The following MSH4 variants were observed in gnomAD, a reference collection of about 807,000 sequenced individuals.
MSH4 encodes mutS homolog 4.
In MSH4, 106 loss-of-function variants were observed where a neutral mutation model predicts 113.7. The ratio of observed to expected loss-of-function variants is 0.93; its 90% CI spans 0.80 to 1.10. The LOEUF is 1.10. MSH4 is among the 50% of genes least tolerant of loss of function. The pLI is 0.00. For synonymous variants in MSH4, 368 were observed against 380.2 expected (o/e 0.97, Z 0.37); for missense variants, 1,061 against 1,093.7 (o/e 0.97, Z 0.42).
At position 75,800,743 on chromosome 1, in the gene MSH4, T is replaced by TA. The variant is rs58529518; in HGVS notation, c.245-2987dup. On this transcript the variant is annotated intron_variant, in intron 1 of 19. Transcript: ENST00000263187. ...TAAAGAATTAATTTTGAGGGAAAGA[T>TA]AGAGTTCACTTTTGGACATTTAGAA... Among the ~76,000 whole-genome samples the TA allele has an allele frequency of 7.0e-3, 1,064 of 152,252 alleles. 8 individuals carry two copies. Among genetic ancestry groups the TA allele is most frequent in the Non-Finnish European group, 0.012 (801 of 68,020 alleles).
At chr1:75,862,037 A>T (rs1030857233) in intron 8 of MSH4, among the ~76,000 whole-genome samples, 2 of 151,802 alleles carry the variant, frequency 1.3e-5, no homozygotes. Flanking sequence ...TCCCAGGTTG[A>T]TCTCAGACTG....
intron 6 of MSH4, among the ~76,000 whole-genome samples, chr1:75,821,237 C>G (rs1557495761): frequency 6.6e-6 from 1 of 151,982 alleles, no homozygotes. Flanking sequence ...AACTGGAACT[C>G]AGGATTAAGA....
intron 8 of MSH4, among the ~76,000 whole-genome samples, chr1:75,850,934 G>A (rs6683437): frequency 0.21 from 31,921 of 151,986 alleles, 3,530 homozygotes; most frequent in Middle Eastern, 0.28. Context: ...ATGAAATGAT[G>A]CTTTTTTATC....
chr1:75,885,318 G>GGGGT (rs1276998811), intron 15 of MSH4, among the ~76,000 whole-genome samples: 3 of 105,338 alleles, frequency 2.8e-5, no homozygotes, highest in African/African-American at 1.1e-4. Flanking sequence ...TCACACTGGG[G>GGGGT]GTGTGTGTGT....
chr1:75,818,326 C>T (rs1650333901), intron 6 of MSH4, among the ~76,000 whole-genome samples: 1 of 152,100 alleles, frequency 6.6e-6, no homozygotes, highest in Non-Finnish European at 1.5e-5. Context: ...CTATTCTTAC[C>T]CCCACTTGCA....
In MSH4 at chr1:75,912,931, G is replaced by T; in HGVS notation, c.*44G>T. On this transcript the variant is annotated 3_prime_UTR_variant, in exon 20 of 20. Transcript: ENST00000263187. ...AATATATCTTAATTCAAGGAACCTA[G>T]AATTTATTTTTCTCCTTAGAGATAA... The T allele has an allele frequency of 1.6e-6, 2 of 1,241,678 alleles. No homozygotes were observed. The highest frequency in any genetic ancestry group is 2.1e-6 in the Non-Finnish European group (2 of 940,022). 76.9% of individuals were successfully genotyped at this position (1,241,678 alleles called of 1,614,324 possible).
chr1:75,797,145 C>T lies in MSH4; in HGVS notation c.160C>T (p.Pro54Ser), dbSNP rs1322924431. 1.2e-6 allele frequency: 2 copies of T among 1,613,552 alleles called. No homozygotes were observed. Among genetic ancestry groups the T allele is most frequent in the African/African-American group, 2.7e-5 (2 of 75,056 alleles). Residue 54 changes from proline to serine, a missense_variant, in exon 1 of 20, where the codon CCT becomes TCT. By Grantham distance (74) the Pro-to-Ser change is moderately conservative. Coordinates refer to ENST00000263187, the MANE Select transcript of MSH4 (RefSeq NM_002440.4). ...CCAGGTGGTCTCTGCATCCACCTGT[C>T]CTGGCACGTCAGGAGCTGCGGGCGA... is the stretch of plus-strand genomic sequence containing the variant. ...SVQVVSASTC[P>S]GTSGAAGDRS...
In MSH4 at chr1:75,841,544, A is replaced by T. The variant is rs144410303; in HGVS notation, c.1163-6665A>T. 2.9e-3 allele frequency among the ~76,000 whole-genome samples: 440 copies of T among 152,302 alleles called. 1 individual carries two copies. Among genetic ancestry groups the T allele is most frequent in the African/African-American group, 0.01 (425 of 41,568 alleles). On this transcript the variant is annotated intron_variant, in intron 7 of 19. Transcript: ENST00000263187. ...AGCTTGCTGTATTTAAGGATTGGCCAGTAGTTATTTATGACTTAAAGCCTT... is the reference window on the plus strand; with the variant it reads ...AGCTTGCTGTATTTAAGGATTGGCCTGTAGTTATTTATGACTTAAAGCCTT...
At chr1:75,826,862 GTGTTTTACTTACAATTA>G (rs1557498405) in intron 7 of MSH4, among the ~76,000 whole-genome samples, 1 of 152,164 alleles carries the variant, frequency 6.6e-6, no homozygotes, top group Non-Finnish European at 1.5e-5. Flanking sequence ...TTGCTGAAGA[GTGTTTTACTTACAATTA>G]TGTGGTCGAT....
At chr1:75,864,017 C>A (rs1651513953) in intron 8 of MSH4, among the ~76,000 whole-genome samples, 1 of 152,094 alleles carries the variant, frequency 6.6e-6, no homozygotes, top group South Asian at 2.1e-4. Flanking sequence ...TTATTTTCTA[C>A]CTGTCTCCAA....
rs142607068 is a variant in MSH4 at position 75,825,672 on chromosome 1, G to T, written c.1162+3091G>T. ...TAGTTTATTGACAGTTTTTTAGTAT[G>T]AAGGGTGTTGAATTTTATCGAAGGC... On this transcript the variant is annotated intron_variant, in intron 7 of 19. Coordinates refer to ENST00000263187, the MANE Select transcript of MSH4 (RefSeq NM_002440.4). 2.9e-3 allele frequency among the ~76,000 whole-genome samples: 436 copies of T among 152,240 alleles called. 5 individuals are homozygous for T. The highest frequency in any genetic ancestry group is 0.01 in the African/African-American group (422 of 41,544).
intron 7 of MSH4, among the ~76,000 whole-genome samples, chr1:75,839,928 T>C (rs1350178476): frequency 3.5e-5 from 5 of 144,066 alleles, no homozygotes; most frequent in African/African-American, 1.3e-4. Context: ...ATGCTCACCA[T>C]CACTGGCCAT....
intron 19 of MSH4, among the ~76,000 whole-genome samples, chr1:75,904,183 G>T (rs549995154): frequency 9.9e-5 from 15 of 152,248 alleles, no homozygotes; most frequent in African/African-American, 3.4e-4. Flanking sequence ...ATTTGCATAT[G>T]TTTTATCATT....
chr1:75,898,176 G>A (rs1652425762), intron 18 of MSH4, 95 bp downstream of exon 18: 1 of 816,378 alleles, frequency 1.2e-6, no homozygotes, highest in East Asian at 2.9e-5. Flanking sequence ...TTAATCTAAG[G>A]AAATTTTCTC....
chr1:75,908,257 T>C (rs1295903170), intron 19 of MSH4, among the ~76,000 whole-genome samples: 1 of 151,280 alleles, frequency 6.6e-6, no homozygotes, highest in Admixed American at 6.6e-5. Context: ...GAAATTCTGC[T>C]GCCTCAGCCT....
intron 17 of MSH4, among the ~76,000 whole-genome samples, chr1:75,897,117 A>G (rs1652402845): frequency 6.6e-6 from 1 of 152,192 alleles, no homozygotes; most frequent in Admixed American, 6.5e-5. Flanking sequence ...GTAACTGGTT[A>G]TTCAGATCTC....
chr1:75,873,742 T>C (rs1651759791), intron 9 of MSH4, among the ~76,000 whole-genome samples: 1 of 148,472 alleles, frequency 6.7e-6, no homozygotes, highest in Admixed American at 6.7e-5. Flanking sequence ...AGACATGATC[T>C]TGTTTTTATA....
intron 7 of MSH4, among the ~76,000 whole-genome samples, chr1:75,830,310 T>G (rs1650654212): frequency 6.6e-6 from 1 of 152,076 alleles, no homozygotes; most frequent in African/African-American, 2.4e-5. Context: ...AATCTACATC[T>G]CATTGGTGTA....
At chr1:75,885,059 G>GTATATATATA (rs1198722667) in intron 15 of MSH4, among the ~76,000 whole-genome samples, 8 of 112,556 alleles carry the variant, frequency 7.1e-5, no homozygotes, top group African/African-American at 2.4e-4. Context: ...GTGTGTGTGT[G>GTATATATATA]TATATATATA....
Sources: allele counts gnomAD v4.1 joint callset (sites outside exome capture counted in the v4.1 genomes callset), GRCh38; gene constraint gnomAD v4.1.1; transcripts MANE v1.5; gene names NCBI Gene and HGNC (gene_info 2026-07-23, HGNC 2026-07-21).